Variants in G2E3 observed in about 807,000 individuals in gnomAD.
The protein encoded by G2E3 is G2/M phase-specific E3 ubiquitin-protein ligase.
A neutral mutation model predicts 92.8 loss-of-function variants in G2E3; 35 were observed. The observed-to-expected ratio is 0.38, with a 90% confidence interval of 0.29 to 0.50. G2E3 has a LOEUF of 0.50. G2E3 is among the 20% of genes least tolerant of loss of function. G2E3 has a pLI of 0.94. For synonymous variants in G2E3, 242 were observed against 272.4 expected (o/e 0.89, Z 1.10); for missense variants, 554 against 823.8 (o/e 0.67, Z 4.01).
At chr14:30,592,273 A>AAT (rs769363370) in intron 4 of G2E3, 50 bp from the exon 5 acceptor site, 154 of 1,527,256 alleles carry the variant, frequency 1.0e-4, no homozygotes, top group Non-Finnish European at 1.3e-4. Flanking sequence ...ATCATATTAT[A>AAT]ATACTCAGAT....
chr14:30,598,898 A>G (rs1057082008), intron 8 of G2E3, among the ~76,000 whole-genome samples: 3 of 152,188 alleles, frequency 2.0e-5, no homozygotes, highest in African/African-American at 7.2e-5. Context: ...TCCCTTTTCC[A>G]AATTGCAAGG....
In G2E3 at chr14:30,619,784, C is replaced by G. The variant is rs373070551; in HGVS notation, c.*3250C>G. The G allele has an allele frequency of 3.3e-5, 5 of 152,066 alleles. No individual in the cohort carries two copies. The South Asian group carries it at 1.0e-3, about 32-fold the overall frequency. The allele number at this position is 152,066 out of a possible 1,614,324, so 9.4% of individuals were successfully genotyped here. A position where few individuals can be genotyped will look rare whatever the true frequency, so the allele number is the denominator to read the frequency against. ...AAAGACTGCCAGATTAACCAAAAAG[C>G]GTGACATTTATAACAATGTTTTATA... On this transcript the variant is annotated 3_prime_UTR_variant, in exon 15 of 15. Transcript: ENST00000206595.
At chr14:30,599,759 A>T (rs1566545219) in intron 8 of G2E3, among the ~76,000 whole-genome samples, 1 of 152,188 alleles carries the variant, frequency 6.6e-6, no homozygotes, top group African/African-American at 2.4e-5. Context: ...ATAAAAATAT[A>T]TGTTATTTAA....
intron 12 of G2E3, among the ~76,000 whole-genome samples, chr14:30,609,941 G>T (rs1882010751): frequency 6.6e-6 from 1 of 151,968 alleles, no homozygotes; most frequent in South Asian, 2.1e-4. Context: ...TTTTCCCTAG[G>T]CTTAGACAAT....
intron 7 of G2E3, 77 bp downstream of exon 7, chr14:30,597,603 A>G (rs192128110): frequency 1.2e-6 from 1 of 837,246 alleles, no homozygotes; most frequent in African/African-American, 1.7e-5. Context: ...ATGATCACTT[A>G]TGTCTGATTC....
At chr14:30,563,957 G>A (rs1011314759) in intron 1 of G2E3, among the ~76,000 whole-genome samples, 1 of 152,076 alleles carries the variant, frequency 6.6e-6, no homozygotes, top group Non-Finnish European at 1.5e-5. Context: ...GACCTCAAGG[G>A]ATCTGCCCGC....
At chr14:30,599,036 T>C (rs1361716413) in intron 8 of G2E3, among the ~76,000 whole-genome samples, 2 of 152,210 alleles carry the variant, frequency 1.3e-5, no homozygotes, top group African/African-American at 4.8e-5. Flanking sequence ...GATCAAGTTA[T>C]TGACAGGTTT....
At chr14:30,588,739 T>A (rs181116529) in intron 3 of G2E3, among the ~76,000 whole-genome samples, 1 of 152,278 alleles carries the variant, frequency 6.6e-6, no homozygotes, top group Non-Finnish European at 1.5e-5. Context: ...CAGCAGAGCC[T>A]GGCTTGCAAG....
intron 1 of G2E3, among the ~76,000 whole-genome samples, chr14:30,565,348 TCTAATGTATTCTAGATACTAGACC>T (rs1248827081): frequency 3.9e-5 from 6 of 152,194 alleles, no homozygotes; most frequent in African/African-American, 1.4e-4. Flanking sequence ...TGTAAGAGTT[TCTAATGTATTCTAGATACTAGACC>T]CTTTTCAGGT....
At chr14:30,589,963 T>G (rs1880913577) in intron 4 of G2E3, among the ~76,000 whole-genome samples, 1 of 152,142 alleles carries the variant, frequency 6.6e-6, no homozygotes, top group East Asian at 1.9e-4. Context: ...CTGACCCTTC[T>G]CTAACATTGT....
chr14:30,588,885 A>G (rs1013431262), intron 3 of G2E3, among the ~76,000 whole-genome samples: 2 of 152,156 alleles, frequency 1.3e-5, no homozygotes, highest in African/African-American at 4.8e-5. Flanking sequence ...GAAACTTTCT[A>G]AAATCAAACA....
At chr14:30,572,474 C>T (rs1176365212) in intron 1 of G2E3, among the ~76,000 whole-genome samples, 2 of 152,078 alleles carry the variant, frequency 1.3e-5, no homozygotes, top group Non-Finnish European at 2.9e-5. Context: ...TGTCACAGTA[C>T]AGTGTGGAAA....
At chr14:30,604,872 CTTCATTCATTCATTCA>C (rs138039664) in intron 10 of G2E3, among the ~76,000 whole-genome samples, 63 of 147,274 alleles carry the variant, frequency 4.3e-4, no homozygotes, top group Middle Eastern at 3.4e-3. Context: ...TTTGAGCTTG[CTTCATTCATTCATTCA>C]TTCATTCATT....
intron 1 of G2E3, among the ~76,000 whole-genome samples, chr14:30,572,230 T>TCC (rs879877688): frequency 5.3e-5 from 8 of 152,174 alleles, no homozygotes; most frequent in Non-Finnish European, 1.2e-4. Context: ...CTTATAAATA[T>TCC]GTTGGTAGGA....
intron 12 of G2E3, among the ~76,000 whole-genome samples, chr14:30,610,499 C>T (rs1234972273): frequency 6.6e-6 from 1 of 152,044 alleles, no homozygotes; most frequent in Non-Finnish European, 1.5e-5. Context: ...GCCTATAGTC[C>T]CAGCTGCTTG....
At chr14:30,566,960 T>C (rs1056007677) in intron 1 of G2E3, among the ~76,000 whole-genome samples, 3 of 152,230 alleles carry the variant, frequency 2.0e-5, no homozygotes, top group Non-Finnish European at 4.4e-5. Context: ...TTCCTTTTTC[T>C]CTATTAGTAT....
chr14:30,584,250 A>T (rs1367002521), intron 2 of G2E3, among the ~76,000 whole-genome samples: 1 of 152,202 alleles, frequency 6.6e-6, no homozygotes, highest in Non-Finnish European at 1.5e-5. Flanking sequence ...ATATGGGCAT[A>T]CCATATTTTG....
intron 12 of G2E3, among the ~76,000 whole-genome samples, chr14:30,609,237 TA>T (rs528597612): frequency 8.6e-5 from 13 of 151,310 alleles, no homozygotes; most frequent in South Asian, 2.1e-4. Flanking sequence ...CCCTCTTTAC[TA>T]AAAAAAAAGT....
At chr14:30,564,722 T>G (rs1479071243) in intron 1 of G2E3, among the ~76,000 whole-genome samples, 1 of 152,212 alleles carries the variant, frequency 6.6e-6, no homozygotes, top group African/African-American at 2.4e-5. Context: ...CCAAAACATG[T>G]AACCTTTTAT....
Sources: allele counts gnomAD v4.1 joint callset (sites outside exome capture counted in the v4.1 genomes callset), GRCh38; gene constraint gnomAD v4.1.1; transcripts MANE v1.5; gene names NCBI Gene and HGNC (gene_info 2026-07-23, HGNC 2026-07-21).